The following CSMD1 variants were observed in gnomAD, a reference collection of about 807,000 sequenced individuals.
The protein encoded by CSMD1 is CUB and sushi domain-containing protein 1.
In CSMD1, 213 loss-of-function variants were observed where a neutral mutation model predicts 417.5. The ratio of observed to expected loss-of-function variants is 0.51; its 90% CI spans 0.46 to 0.57. The LOEUF (loss-of-function observed/expected upper bound fraction) is 0.57. Among genes scored for constraint, CSMD1 ranks in the 20% least tolerant of loss-of-function variants. The pLI, the probability that CSMD1 is intolerant of heterozygous loss-of-function variation, is 0.00. For synonymous variants in CSMD1, 2,862 were observed against 1,736.8 expected (o/e 1.65, Z -16.11); for missense variants, 6,923 against 4,529.7 (o/e 1.53, Z -15.17).
In CSMD1 at chr8:4,386,559, T is replaced by C. The variant is rs140738294; in HGVS notation, c.415+33394A>G. 4.3e-3 allele frequency among the ~76,000 whole-genome samples: 660 copies of C among 152,316 alleles called. 2 individuals carry two copies. Among genetic ancestry groups the C allele is most frequent in the Non-Finnish European group, 7.5e-3 (512 of 68,014 alleles). On this transcript the variant is annotated intron_variant, in intron 3 of 69. Coordinates refer to ENST00000635120, the MANE Select transcript of CSMD1 (RefSeq NM_033225.6). ...GAACTTAAAGCAAGCCTAAAATAAG[T>C]AAGACCTATAAGAGAGAAAGGCCTG...
Position 4,408,079 on chromosome 8 carries a change from A to G in CSMD1, c.415+11874T>C, listed in dbSNP as rs555560209. The stretch of plus-strand genomic sequence containing the variant: ...TTTCCATTCCATTATTCTAATATTT[A>G]AAAGCATGCTTCACAAAAAGTTTAT... On this transcript the variant is annotated intron_variant, in intron 3 of 69. Transcript: ENST00000635120. Among the ~76,000 whole-genome samples, 2 of 152,326 alleles carry G rather than the reference A, an allele frequency of 1.3e-5. 1 individual carries two copies. Among genetic ancestry groups the G allele is most frequent in the South Asian group, 4.1e-4 (2 of 4,820 alleles).
At chr8:4,291,795 G>A (rs752001038) in intron 3 of CSMD1, among the ~76,000 whole-genome samples, 1 of 152,194 alleles carries the variant, frequency 6.6e-6, no homozygotes, top group African/African-American at 2.4e-5. Flanking sequence ...TATAAGACAA[G>A]TAATATCTGG....
At chr8:3,186,225 AAC>A (rs1237734820) in intron 36 of CSMD1, among the ~76,000 whole-genome samples, 3 of 152,170 alleles carry the variant, frequency 2.0e-5, no homozygotes, top group African/African-American at 7.2e-5. Flanking sequence ...CCTAACAACA[AAC>A]ACAGTGTCTG....
At chr8:4,129,495 A>G (rs569370328) in intron 3 of CSMD1, among the ~76,000 whole-genome samples, 1 of 152,328 alleles carries the variant, frequency 6.6e-6, no homozygotes, top group South Asian at 2.1e-4. Flanking sequence ...GAAAAAGTCT[A>G]GGAGTAAATG....
chr8:3,085,042 T>C (rs1246364588), intron 49 of CSMD1, among the ~76,000 whole-genome samples: 3 of 152,112 alleles, frequency 2.0e-5, no homozygotes, highest in Admixed American at 1.3e-4. Context: ...GTGCTTAAAA[T>C]ATAGATTCTT....
chr8:3,584,432 T>C (rs77976155), intron 9 of CSMD1, among the ~76,000 whole-genome samples: 3,940 of 152,292 alleles, frequency 0.026, 171 homozygotes, highest in African/African-American at 0.086. Context: ...AATCCTCTTC[T>C]AATTATCTCT....
intron 30 of CSMD1, among the ~76,000 whole-genome samples, chr8:3,213,845 T>G (rs905764207): frequency 8.7e-5 from 12 of 138,286 alleles, no homozygotes; most frequent in African/African-American, 3.4e-4. Flanking sequence ...TGTGTGTGTG[T>G]ATATACATAC....
At chr8:4,747,402 G>A (rs34547061) in intron 1 of CSMD1, among the ~76,000 whole-genome samples, 11,773 of 152,104 alleles carry the variant, frequency 0.077, 580 homozygotes, top group Non-Finnish European at 0.11. Flanking sequence ...TAACAAGATT[G>A]GTAAGAGCAA....
At chr8:3,502,364 CAAA>C (rs371588108) in intron 10 of CSMD1, among the ~76,000 whole-genome samples, 5 of 109,172 alleles carry the variant, frequency 4.6e-5, no homozygotes, top group Admixed American at 1.0e-4. Context: ...GACTTCATCT[CAAA>C]AAAAAAAAAA....
intron 1 of CSMD1, among the ~76,000 whole-genome samples, chr8:4,667,419 T>C (rs1035157537): frequency 2.0e-5 from 3 of 151,970 alleles, no homozygotes; most frequent in Admixed American, 1.3e-4. Flanking sequence ...TTGGATTGCA[T>C]TGAATCCAGA....
At chr8:4,386,892 T>C (rs1382648966) in intron 3 of CSMD1, among the ~76,000 whole-genome samples, 3 of 152,174 alleles carry the variant, frequency 2.0e-5, no homozygotes, top group Non-Finnish European at 4.4e-5. Flanking sequence ...AGGTATAGTA[T>C]CATGAATAGT....
chr8:4,733,120 C>A (rs1008941250), intron 1 of CSMD1, among the ~76,000 whole-genome samples: 1 of 152,240 alleles, frequency 6.6e-6, no homozygotes, highest in East Asian at 1.9e-4. Context: ...AGAAGGCAAC[C>A]ATTCATTCCT....
chr8:4,156,451 T>C (rs1438602521), intron 3 of CSMD1, among the ~76,000 whole-genome samples: 1 of 152,194 alleles, frequency 6.6e-6, no homozygotes, highest in Non-Finnish European at 1.5e-5. Context: ...AATATGCTAT[T>C]GGTGCTAACT....
intron 51 of CSMD1, among the ~76,000 whole-genome samples, chr8:3,024,914 T>G (rs1205571599): frequency 6.6e-6 from 1 of 152,260 alleles, no homozygotes; most frequent in Non-Finnish European, 1.5e-5. Context: ...CCTCCACTGC[T>G]TTGTGTACTG....
chr8:3,624,274 C>G (rs1490542284), intron 7 of CSMD1, among the ~76,000 whole-genome samples: 3 of 152,136 alleles, frequency 2.0e-5, no homozygotes, highest in African/African-American at 7.2e-5. Flanking sequence ...TAGCAAATTT[C>G]CTTCAGCTAA....
At chr8:4,293,912 G>T (rs114671372) in intron 3 of CSMD1, among the ~76,000 whole-genome samples, 1 of 151,848 alleles carries the variant, frequency 6.6e-6, no homozygotes, top group Non-Finnish European at 1.5e-5. Flanking sequence ...TGTCCTATTA[G>T]TGTCTACTGT....
chr8:4,272,680 T>C lies in CSMD1; in HGVS notation c.415+147273A>G, dbSNP rs1007805406. 2.0e-5 allele frequency among the ~76,000 whole-genome samples: 3 copies of C among 152,150 alleles called. No homozygotes were observed. In the East Asian group the frequency reaches 5.8e-4, roughly 29 times the overall value. On this transcript the variant is annotated intron_variant, in intron 3 of 69. Transcript: ENST00000635120. Reference sequence around the variant, plus strand: ...ACTCCAAACCGACTGTAGATGAACATAAAATATATTTGGAAGACTGTACAT... The same window carrying C: ...ACTCCAAACCGACTGTAGATGAACACAAAATATATTTGGAAGACTGTACAT...
chr8:4,564,300 C>T (rs1049709940), intron 2 of CSMD1, among the ~76,000 whole-genome samples: 1 of 152,130 alleles, frequency 6.6e-6, no homozygotes, highest in Admixed American at 6.5e-5. Context: ...AATTAGCATA[C>T]AAGCAGATAA....
chr8:4,550,277 A>G (rs1484312279), intron 2 of CSMD1, among the ~76,000 whole-genome samples: 1 of 151,602 alleles, frequency 6.6e-6, no homozygotes, highest in Non-Finnish European at 1.5e-5. Flanking sequence ...TTCACGGCCA[A>G]CTTTGATCAT....
Sources: allele counts gnomAD v4.1 joint callset (sites outside exome capture counted in the v4.1 genomes callset), GRCh38; gene constraint gnomAD v4.1.1; transcripts MANE v1.5; gene names NCBI Gene and HGNC (gene_info 2026-07-23, HGNC 2026-07-21).